LPP: variants seen among roughly 807,000 people sequenced by gnomAD.
LPP encodes LIM domain containing preferred translocation partner in lipoma.
A neutral mutation model predicts 60.4 loss-of-function variants in LPP; 38 were observed. The ratio of observed to expected loss-of-function variants is 0.63; its 90% CI spans 0.49 to 0.83. The LOEUF is 0.83. Among genes scored for constraint, LPP ranks in the 40% least tolerant of loss-of-function variants. The pLI is 0.00. For missense variants in LPP, 902 were observed against 783.6 expected, an observed-to-expected ratio of 1.15 and a Z score of -1.80; for synonymous variants, 328 against 290.8, an observed-to-expected ratio of 1.13 and a Z score of -1.30.
intron 1 of LPP, among the ~76,000 whole-genome samples, chr3:188,192,011 C>A (rs748266724): frequency 6.6e-6 from 1 of 152,016 alleles, no homozygotes; most frequent in Admixed American, 6.6e-5. Context: ...GGTGTTAGGA[C>A]AACTAGGAGC....
chr3:188,220,525 A>G (rs1213191402), intron 1 of LPP, among the ~76,000 whole-genome samples: 1 of 152,008 alleles, frequency 6.6e-6, no homozygotes, highest in Non-Finnish European at 1.5e-5. Flanking sequence ...TACTAATCTC[A>G]TGTCACGAGG....
chr3:188,638,363 T>C (rs556612575), intron 7 of LPP, among the ~76,000 whole-genome samples: 8 of 145,714 alleles, frequency 5.5e-5, no homozygotes, highest in South Asian at 2.2e-4. Flanking sequence ...TGGGATGTAT[T>C]TCAAAATAAT....
Position 188,758,551 on chromosome 3 carries a change from G to T in LPP, c.1241-1562G>T, listed in dbSNP as rs529156663. 5.9e-5 allele frequency among the ~76,000 whole-genome samples: 9 copies of T among 152,298 alleles called. No individual in the cohort carries two copies. In the South Asian group the frequency reaches 1.9e-3, roughly 32 times the overall value. On this transcript the variant is annotated intron_variant, in intron 8 of 11. Transcript: ENST00000617246. The stretch of plus-strand genomic sequence containing the variant: ...TTCAAATCCCACAACAGGATATAAA[G>T]AAATACTTTTCAGGGCCAAATACAA...
At chr3:188,471,851 A>C (rs1248406034) in intron 4 of LPP, among the ~76,000 whole-genome samples, 1 of 152,242 alleles carries the variant, frequency 6.6e-6, no homozygotes, top group East Asian at 1.9e-4. Flanking sequence ...GCAAAAATCA[A>C]GATCTGGATA....
At chr3:188,211,064 G>A (rs1450005799) in intron 1 of LPP, among the ~76,000 whole-genome samples, 1 of 152,140 alleles carries the variant, frequency 6.6e-6, no homozygotes. Flanking sequence ...TGCTTGTTAA[G>A]TATAAAACAA....
chr3:188,636,379 T>C lies in LPP; in HGVS notation c.1113+26535T>C, dbSNP rs140453789. Among the ~76,000 whole-genome samples, 24 of 152,304 alleles carry C rather than the reference T, an allele frequency of 1.6e-4. No individual in the cohort carries two copies. The East Asian group carries it at 4.4e-3, about 28-fold the overall frequency. On this transcript the variant is annotated intron_variant, in intron 7 of 11. Coordinates refer to ENST00000617246, the MANE Select transcript of LPP (RefSeq NM_001375462.1). ...TAAAAAACGGTGCACCACGAGATTA[T>C]ATCCCGCACCTTGCTCGGAGGGTCC... is the stretch of plus-strand genomic sequence containing the variant.
At chr3:188,705,532 A>G (rs893940528) in intron 7 of LPP, among the ~76,000 whole-genome samples, 4 of 152,162 alleles carry the variant, frequency 2.6e-5, no homozygotes, top group African/African-American at 4.8e-5. Context: ...AAGTTTAACA[A>G]TACTGGCAAC....
intron 3 of LPP, among the ~76,000 whole-genome samples, chr3:188,348,869 C>T (rs1350609286): frequency 6.6e-6 from 1 of 151,424 alleles, no homozygotes; most frequent in Non-Finnish European, 1.5e-5. Context: ...TGTACCATGC[C>T]TTGAGATAGC....
intron 9 of LPP, among the ~76,000 whole-genome samples, chr3:188,796,212 G>A (rs780682564): frequency 5.9e-5 from 9 of 152,178 alleles, no homozygotes; most frequent in Non-Finnish European, 1.0e-4. Context: ...ATACTTCACT[G>A]AGTTATGAGG....
At chr3:188,439,416 C>G (rs933352701) in intron 4 of LPP, among the ~76,000 whole-genome samples, 2 of 152,178 alleles carry the variant, frequency 1.3e-5, no homozygotes, top group African/African-American at 4.8e-5. Flanking sequence ...TGCTTCCTGC[C>G]TTGGCAGAGA....
chr3:188,660,119 C>T (rs1455704391), intron 7 of LPP, among the ~76,000 whole-genome samples: 3 of 152,002 alleles, frequency 2.0e-5, no homozygotes, highest in Admixed American at 6.6e-5. Context: ...ATTTATTACC[C>T]GTATTTCTCA....
intron 3 of LPP, 145 bp from the exon 4 acceptor site, chr3:188,405,967 C>G: frequency 3.2e-6 from 2 of 628,196 alleles, no homozygotes; most frequent in South Asian, 5.2e-5. Flanking sequence ...CTTCATTTTT[C>G]TTTCTTCCAT....
intron 7 of LPP, among the ~76,000 whole-genome samples, chr3:188,644,951 A>G (rs1330306735): frequency 1.3e-5 from 2 of 152,226 alleles, no homozygotes; most frequent in African/African-American, 2.4e-5. Flanking sequence ...TCTAGTAACT[A>G]TGTGTGACCT....
At position 188,334,796 on chromosome 3, in the gene LPP, A is replaced by C. The variant is rs373127551; in HGVS notation, c.-66-6867A>C. ...TTCTATAATGGCTGTACTAACTTAC[A>C]TTCCCACCAACAGTGTATGAATTCC... is the stretch of plus-strand genomic sequence containing the variant. On this transcript the variant is annotated intron_variant, in intron 2 of 11. Transcript: ENST00000617246. Among the ~76,000 whole-genome samples, 27 of 152,298 alleles carry C rather than the reference A, an allele frequency of 1.8e-4. No homozygotes were observed. The East Asian group carries it at 3.5e-3, about 20-fold the overall frequency.
chr3:188,592,149 T>A (rs765298815), intron 6 of LPP, among the ~76,000 whole-genome samples: 1 of 152,188 alleles, frequency 6.6e-6, no homozygotes, highest in South Asian at 2.1e-4. Context: ...ATATGTATGA[T>A]AAATAGGAAA....
At chr3:188,509,267 T>G (rs547359027) in intron 5 of LPP, among the ~76,000 whole-genome samples, 1 of 152,194 alleles carries the variant, frequency 6.6e-6, no homozygotes, top group African/African-American at 2.4e-5. Flanking sequence ...AGCATTCTAG[T>G]GGACACATGA....
Position 188,829,592 on chromosome 3 carries a change from A to C in LPP, c.1411-36608A>C, listed in dbSNP as rs1396330219. Among the ~76,000 whole-genome samples the C allele has an allele frequency of 2.0e-5, 3 of 152,214 alleles. No homozygotes were observed. In the East Asian group the frequency reaches 5.8e-4, roughly 29 times the overall value. On this transcript the variant is annotated intron_variant, in intron 9 of 11. Coordinates refer to ENST00000617246, the MANE Select transcript of LPP (RefSeq NM_001375462.1). ...ACAAACTTCAGATATTACCAGTTGCATGTTACTAATAAGGAATCAGAAGCT... is the reference window on the plus strand; with the variant it reads ...ACAAACTTCAGATATTACCAGTTGCCTGTTACTAATAAGGAATCAGAAGCT...
intron 4 of LPP, among the ~76,000 whole-genome samples, chr3:188,436,389 G>A (rs1792307580): frequency 6.6e-6 from 1 of 152,180 alleles, no homozygotes; most frequent in African/African-American, 2.4e-5. Flanking sequence ...GTCAACATCA[G>A]AATCAGATCT....
intron 3 of LPP, among the ~76,000 whole-genome samples, chr3:188,397,033 A>G (rs759317310): frequency 1.6e-4 from 25 of 152,188 alleles, no homozygotes; most frequent in Non-Finnish European, 2.9e-4. Context: ...GGTTGGGGCC[A>G]TTTATCTTCT....
Sources: gnomAD v4.1 joint callset for allele counts (sites outside exome capture counted in the v4.1 genomes callset) on GRCh38, gnomAD v4.1.1 for gene constraint, MANE v1.5 for transcripts, NCBI Gene and HGNC (gene_info 2026-07-23, HGNC 2026-07-21) for gene names.